The following PLG variants were observed in gnomAD, a reference collection of about 807,000 sequenced individuals.
PLG encodes the protein plasminogen.
Under a neutral mutation model 104.4 loss-of-function variants are expected in PLG, and 41 were observed. The observed-to-expected ratio is 0.39, with a 90% CI of 0.31 to 0.51. The LOEUF is 0.51. Ranked by LOEUF, PLG falls within the 20% of genes least tolerant of loss-of-function variation. The pLI is 0.76. For synonymous variants in PLG, 337 were observed against 357.1 expected (o/e 0.94, Z 0.63); for missense variants, 891 against 1,003.6 (o/e 0.89, Z 1.52).
At chr6:160,709,032 A>G (rs1047755931) in intron 3 of PLG, among the ~76,000 whole-genome samples, 7 of 151,600 alleles carry the variant, frequency 4.6e-5, no homozygotes, top group Non-Finnish European at 1.0e-4. Context: ...TAAATATGTC[A>G]TTTGTAAATT....
chr6:160,731,850 T>G lies in PLG; in HGVS notation c.1544T>G (p.Ile515Ser). 6.2e-7 allele frequency: 1 copy of G among 1,614,116 alleles called. No individual in the cohort carries two copies. Among genetic ancestry groups the G allele is most frequent in the African/African-American group, 1.3e-5 (1 of 75,028 alleles). Residue 515 changes from isoleucine to serine, a missense_variant, in exon 12 of 19, where the codon ATT becomes AGT. Coordinates refer to ENST00000308192, the MANE Select transcript of PLG (RefSeq NM_000301.5). The surrounding 1 kb of genome is among the most constrained non-coding windows in gnomAD (Gnocchi z 5.1). Reference protein sequence around the residue: ...WAAQEPHRHSIFTPETNPRAG... With the variant: ...WAAQEPHRHSSFTPETNPRAG... ...GCCCAGGAGCCCCATAGACACAGCATTTTCACTCCAGAGACAAATCCACGG... is the reference window on the plus strand; with the variant it reads ...GCCCAGGAGCCCCATAGACACAGCAGTTTCACTCCAGAGACAAATCCACGG...
chr6:160,710,873 G>C (rs915464672), intron 3 of PLG, among the ~76,000 whole-genome samples: 1 of 152,224 alleles, frequency 6.6e-6, no homozygotes, highest in Admixed American at 6.5e-5. Flanking sequence ...GATACACAGA[G>C]AGCTCATAAG....
At chr6:160,751,641 A>G (rs1646929669) in intron 17 of PLG, among the ~76,000 whole-genome samples, 1 of 152,226 alleles carries the variant, frequency 6.6e-6, no homozygotes. Flanking sequence ...CCTCATGTTC[A>G]TTAAGCAGTA....
At position 160,734,194 on chromosome 6, in the gene PLG, C is replaced by A; in HGVS notation, c.1681+106C>A. 1.5e-6 allele frequency: 1 copy of A among 679,330 alleles called. No individual in the cohort carries two copies. Among genetic ancestry groups the A allele is most frequent in the Non-Finnish European group, 2.8e-6 (1 of 363,634 alleles). The allele number at this position is 679,330 out of a possible 1,614,324, so 42.1% of individuals were successfully genotyped here. On this transcript the variant is annotated intron_variant, in intron 13 of 18. Coordinates refer to ENST00000308192, the MANE Select transcript of PLG (RefSeq NM_000301.5). This position sits in a 1 kb window ranked among gnomAD's most constrained non-coding sequence, Gnocchi z 4.4. ...ACTGCTTCTGGGGAGGAGATAGCTG[C>A]CCTCTCCATCAGACCCCACTCTTCA...
At chr6:160,718,636 G>C (rs1297745937) in intron 8 of PLG, 57 bp from the exon 9 acceptor site, 2 of 1,567,884 alleles carry the variant, frequency 1.3e-6, no homozygotes, top group Non-Finnish European at 1.8e-6. Context: ...CTCAAAGCGT[G>C]GTTCCCTAGA....
intron 17 of PLG, among the ~76,000 whole-genome samples, chr6:160,748,503 T>C (rs1409366907): frequency 6.6e-6 from 1 of 151,344 alleles, no homozygotes; most frequent in Non-Finnish European, 1.5e-5. Context: ...TGAACTCTTG[T>C]TGATTGTTTC....
At chr6:160,728,751 C>T (rs1777956065) in intron 10 of PLG, among the ~76,000 whole-genome samples, 1 of 152,024 alleles carries the variant, frequency 6.6e-6, no homozygotes, top group Non-Finnish European at 1.5e-5. Flanking sequence ...AATTAATGTG[C>T]AAAAGCTCCT....
chr6:160,720,298 G>A (rs139576689), intron 9 of PLG, among the ~76,000 whole-genome samples: 6 of 151,436 alleles, frequency 4.0e-5, no homozygotes, highest in East Asian at 1.9e-4. Context: ...TCAACAGTTC[G>A]ACTATGATGT....
At position 160,713,092 on chromosome 6, in the gene PLG, A is replaced by G. The variant is rs145535174; in HGVS notation, c.514A>G (p.Arg172Gly). The G allele has an allele frequency of 4.6e-4, 740 of 1,610,546 alleles. 1 individual carries two copies. Among genetic ancestry groups the G allele is most frequent in the Non-Finnish European group, 6.0e-4 (708 of 1,178,642 alleles). Residue 172 changes from arginine to glycine, a missense_variant, in exon 5 of 19, where the codon AGA becomes GGA. Arg to Gly is a moderately radical substitution (Grantham distance 125). This residue lies in a region of PLG where 854 missense variants were observed against 932.1 expected (regional missense o/e 0.92). Transcript: ENST00000308192. ...GTGCTATACTACTGATCCAGAAAAGAGATATGACTACTGCGACATTCTTGA... is the reference window on the plus strand; with the variant it reads ...GTGCTATACTACTGATCCAGAAAAGGGATATGACTACTGCGACATTCTTGA... ...PWCYTTDPEK[R>G]YDYCDILECE...
At position 160,752,099 on chromosome 6, in the gene PLG, A is replaced by C. The variant is rs769893082; in HGVS notation, c.2126-16A>C. On this transcript the variant is annotated splice_polypyrimidine_tract_variant and intron_variant, in intron 17 of 18. Transcript: ENST00000308192. The surrounding 1 kb of genome is among the most constrained non-coding windows in gnomAD (Gnocchi z 4.7). ...TTTGGGTGCAGTTGCCATTTCTTTC[A>C]TCTTTTTAAACACAGGTACTTTTGG... The C allele has an allele frequency of 6.2e-7, 1 of 1,612,158 alleles. No homozygotes were observed. The highest frequency in any genetic ancestry group is 8.5e-7 in the Non-Finnish European group (1 of 1,178,394).
Position 160,726,140 on chromosome 6 carries a change from G to A in PLG, c.1256+3573G>A, listed in dbSNP as rs912866308. Among the ~76,000 whole-genome samples, 1 of 152,106 alleles carries A rather than the reference G, an allele frequency of 6.6e-6. No individual in the cohort carries two copies. The highest frequency in any genetic ancestry group is 2.4e-5 in the African/African-American group (1 of 41,430). On this transcript the variant is annotated intron_variant, in intron 10 of 18. Transcript: ENST00000308192. The surrounding 1 kb of genome is among the most constrained non-coding windows in gnomAD (Gnocchi z 4.4). ...CTATTTAACACTATGCCAAACTGCA[G>A]AATACACATTCAAGTATGCATGGAG...
In PLG at chr6:160,738,562, C is replaced by G. The variant is rs765908641; in HGVS notation, c.1827C>G (p.Gly609=). 11 of 1,610,870 alleles carry G rather than the reference C, an allele frequency of 6.8e-6. No individual in the cohort carries two copies. Among genetic ancestry groups the G allele is most frequent in the African/African-American group, 2.7e-5 (2 of 74,862 alleles). ...RTRFGMHFCG[G]TLISPEWVLT... ...GGTTTGGAATGCACTTCTGTGGAGG[C>G]ACCTTGATATCCCCAGAGTGGGTGT... Residue 609 remains glycine, a synonymous_variant, in exon 15 of 19, where the codon GGC becomes GGG. Transcript: ENST00000308192. This position sits in a 1 kb window ranked among gnomAD's most constrained non-coding sequence, Gnocchi z 6.8.
In PLG at chr6:160,712,962, G is replaced by A. The variant is rs370235374; in HGVS notation, c.408-24G>A. The A allele has an allele frequency of 6.9e-6, 11 of 1,598,572 alleles. No individual in the cohort carries two copies. In the African/African-American group the frequency reaches 1.1e-4, roughly 16 times the overall value. ...AGCTGATTTTTAGAATATAGTCTAAGTGCTTCTTTTCCATCCTCCCCAGAT... is the reference window on the plus strand; with the variant it reads ...AGCTGATTTTTAGAATATAGTCTAAATGCTTCTTTTCCATCCTCCCCAGAT... On this transcript the variant is annotated intron_variant, in intron 4 of 18. Coordinates refer to ENST00000308192, the MANE Select transcript of PLG (RefSeq NM_000301.5).
rs1355855599 is a variant in PLG at position 160,719,681 on chromosome 6, C to T, written c.1096+843C>T. On this transcript the variant is annotated intron_variant, in intron 9 of 18. Transcript: ENST00000308192. This position sits in a 1 kb window ranked among gnomAD's most constrained non-coding sequence, Gnocchi z 4.1. ...AATTTTTAATGGTTTTAGTATTTTC[C>T]ACAATGTTTATAATATACATTTTTG... 2.0e-5 allele frequency among the ~76,000 whole-genome samples: 3 copies of T among 151,950 alleles called. No homozygotes were observed. The highest frequency in any genetic ancestry group is 4.4e-5 in the Non-Finnish European group (3 of 67,972).
chr6:160,709,847 T>C (rs1777604430), intron 3 of PLG, among the ~76,000 whole-genome samples: 1 of 152,242 alleles, frequency 6.6e-6, no homozygotes, highest in Admixed American at 6.5e-5. Flanking sequence ...CCCCATGTGA[T>C]TGATCAATTA....
intron 1 of PLG, among the ~76,000 whole-genome samples, chr6:160,705,152 T>A (rs1479167530): frequency 6.6e-6 from 1 of 152,186 alleles, no homozygotes; most frequent in Admixed American, 6.5e-5. Flanking sequence ...CCTGTCTTCA[T>A]TTTATTAGCC....
In PLG at chr6:160,737,929, A is replaced by T. The variant is rs1778114381; in HGVS notation, c.1803-609A>T. Among the ~76,000 whole-genome samples, 1 of 151,982 alleles carries T rather than the reference A, an allele frequency of 6.6e-6. No individual in the cohort carries two copies. The highest frequency in any genetic ancestry group is 1.5e-5 in the Non-Finnish European group (1 of 68,026). ...TCTACGTCCTCACTGACTTATCAAC[A>T]TGCTACCATCATGCACTTCCTATCT... On this transcript the variant is annotated intron_variant, in intron 14 of 18. Coordinates refer to ENST00000308192, the MANE Select transcript of PLG (RefSeq NM_000301.5). The surrounding 1 kb of genome is among the most constrained non-coding windows in gnomAD (Gnocchi z 4.7).
chr6:160,703,285 T>C (rs932013879), intron 1 of PLG, among the ~76,000 whole-genome samples: 1 of 151,178 alleles, frequency 6.6e-6, no homozygotes, highest in Non-Finnish European at 1.5e-5. Context: ...AAAAAAGCTT[T>C]ATTGAGATAT....
At chr6:160,746,179 C>A (rs1373375654) in intron 17 of PLG, among the ~76,000 whole-genome samples, 1 of 152,210 alleles carries the variant, frequency 6.6e-6, no homozygotes, top group Non-Finnish European at 1.5e-5. Flanking sequence ...GCCTCTCTAG[C>A]AAGGTTGAAG....
Sources: gnomAD v4.1 joint callset for allele counts (sites outside exome capture counted in the v4.1 genomes callset) on GRCh38, gnomAD v4.1.1 for gene constraint, gnomAD v4.1.1 regional missense constraint, Gnocchi (gnomAD v3.1) non-coding constraint, MANE v1.5 for transcripts, NCBI Gene and HGNC (gene_info 2026-07-23, HGNC 2026-07-21) for gene names.